Variants in UIMC1 observed in about 807,000 individuals in gnomAD.
UIMC1 encodes the protein BRCA1-A complex subunit RAP80.
Under a neutral mutation model 84.9 loss-of-function variants are expected in UIMC1, and 42 were observed. The ratio of observed to expected loss-of-function variants is 0.49; its 90% CI spans 0.39 to 0.64. UIMC1 has a LOEUF of 0.64. Among genes scored for constraint, UIMC1 ranks in the 30% least tolerant of loss-of-function variants. The pLI, the probability that UIMC1 is intolerant of heterozygous loss-of-function variation, is 0.00. For synonymous variants in UIMC1, 281 were observed against 293.0 expected (o/e 0.96, Z 0.42); for missense variants, 825 against 847.6 (o/e 0.97, Z 0.33).
rs1405584349 is a variant in UIMC1 at position 176,906,062 on chromosome 5, A to T, written c.1913-15T>A. 3.7e-6 allele frequency: 6 copies of T among 1,612,552 alleles called. No individual in the cohort carries two copies. Among genetic ancestry groups the T allele is most frequent in the Non-Finnish European group, 5.1e-6 (6 of 1,179,310 alleles). Reference sequence around the variant, plus strand: ...GATGTCTGCATCTGTGATATAAAAGAAAAAATAATAATGTTGGTAGTAGTG... The same window carrying T: ...GATGTCTGCATCTGTGATATAAAAGTAAAAATAATAATGTTGGTAGTAGTG... On this transcript the variant is annotated splice_polypyrimidine_tract_variant and intron_variant, in intron 13 of 14. Transcript: ENST00000511320.
rs188173021 is a variant in UIMC1, at chr5:176,928,527, G to A, written c.1597+14808C>T. Among the ~76,000 whole-genome samples, 1,389 of 152,270 alleles carry A rather than the reference G, an allele frequency of 9.1e-3. 8 individuals are homozygous for A. Among genetic ancestry groups the A allele is most frequent in the South Asian group, 0.025 (122 of 4,828 alleles). ...ACTCTTCTGTAAATTAAAAGAGCCCGAGACATTAGCAACAAAAGCTTTTTG... is the reference window on the plus strand; with the variant it reads ...ACTCTTCTGTAAATTAAAAGAGCCCAAGACATTAGCAACAAAAGCTTTTTG... On this transcript the variant is annotated intron_variant, in intron 10 of 14. Transcript: ENST00000511320.
chr5:177,000,526 G>A (rs1365003034), intron 1 of UIMC1, among the ~76,000 whole-genome samples: 1 of 117,770 alleles, frequency 8.5e-6, no homozygotes, highest in East Asian at 2.1e-4. Context: ...TTGAGATGGA[G>A]TTTCATTCTT....
chr5:176,911,347 C>T lies in UIMC1; in HGVS notation c.1640G>A (p.Ser547Asn). ...RQKEAKTKSD[S>N]GTAAQTSLDI... ...TAGAGAAGTCTGGGCAGCTGTCCCACTGTCACTCTTGGTCTTGGCCTCTTT... is the reference window on the plus strand; with the variant it reads ...TAGAGAAGTCTGGGCAGCTGTCCCATTGTCACTCTTGGTCTTGGCCTCTTT... Residue 547 changes from serine (S) to asparagine (N), a missense_variant, in exon 11 of 15, where the codon AGT becomes AAT. Physicochemically the swap from Ser to Asn is conservative, Grantham distance 46. Coordinates refer to ENST00000511320, the MANE Select transcript of UIMC1 (RefSeq NM_001199298.2). 6.2e-7 allele frequency: 1 copy of T among 1,601,122 alleles called. No individual in the cohort carries two copies. Among genetic ancestry groups the T allele is most frequent in the Non-Finnish European group, 8.5e-7 (1 of 1,172,740 alleles).
chr5:176,997,581 A>C (rs1395560155), intron 1 of UIMC1, among the ~76,000 whole-genome samples: 1 of 149,410 alleles, frequency 6.7e-6, no homozygotes, highest in African/African-American at 2.5e-5. Context: ...GCTACTGAGG[A>C]GGCTGAGGCA....
intron 1 of UIMC1, among the ~76,000 whole-genome samples, chr5:176,985,858 A>G (rs1004476428): frequency 9.2e-5 from 14 of 152,196 alleles, no homozygotes; most frequent in Admixed American, 2.0e-4. Flanking sequence ...CCTCAACCTG[A>G]TAAAGGACTT....
At chr5:177,017,844 G>A (rs1775704914) in intron 1 of UIMC1, among the ~76,000 whole-genome samples, 1 of 151,382 alleles carries the variant, frequency 6.6e-6, no homozygotes, top group Non-Finnish European at 1.5e-5. Context: ...TAGAGATAGG[G>A]TCTTGCCATG....
At chr5:177,016,209 A>G (rs187937773) in intron 1 of UIMC1, among the ~76,000 whole-genome samples, 1 of 151,780 alleles carries the variant, frequency 6.6e-6, no homozygotes, top group Non-Finnish European at 1.5e-5. Context: ...TACTAAAAAT[A>G]CAAAATTAGC....
At chr5:176,917,477 CAGG>C (rs1761146180) in intron 10 of UIMC1, among the ~76,000 whole-genome samples, 1 of 152,122 alleles carries the variant, frequency 6.6e-6, no homozygotes, top group Non-Finnish European at 1.5e-5. Context: ...GAGGTTAAGG[CAGG>C]AGAACTGCTT....
At chr5:176,993,383 C>T (rs1773156963) in intron 1 of UIMC1, among the ~76,000 whole-genome samples, 1 of 152,038 alleles carries the variant, frequency 6.6e-6, no homozygotes, top group South Asian at 2.1e-4. Context: ...GAGACAAGGT[C>T]TCACTACATT....
At position 176,974,819 on chromosome 5, in the gene UIMC1, A is replaced by T. The variant is rs555749928; in HGVS notation, c.232+577T>A. ...AGAGCACGATGCTCCGTCTCAAAAA[A>T]AAAAATAAAAAGGAATCATAAAAAC... On this transcript the variant is annotated intron_variant, in intron 3 of 14. Transcript: ENST00000511320. Among the ~76,000 whole-genome samples the T allele has an allele frequency of 2.5e-3, 384 of 152,192 alleles. 15 individuals carry two copies. The South Asian group carries it at 0.075, about 30-fold the overall frequency.
chr5:176,953,323 C>T (rs1766133768), intron 8 of UIMC1, among the ~76,000 whole-genome samples: 1 of 152,222 alleles, frequency 6.6e-6, no homozygotes, highest in Admixed American at 6.5e-5. Flanking sequence ...ACTATACCTG[C>T]TGTACCTCTA....
chr5:176,985,312 C>T (rs145271342), intron 1 of UIMC1, among the ~76,000 whole-genome samples: 1,640 of 151,852 alleles, frequency 0.011, 10 homozygotes, highest in South Asian at 0.025. Context: ...AAACATTAGC[C>T]GGGCGTGGTA....
chr5:177,005,551 AG>A (rs1775131647), intron 1 of UIMC1, among the ~76,000 whole-genome samples: 1 of 151,664 alleles, frequency 6.6e-6, no homozygotes, highest in Admixed American at 6.6e-5. Flanking sequence ...TTTAGTATCT[AG>A]TATCACAACA....
intron 9 of UIMC1, among the ~76,000 whole-genome samples, chr5:176,944,971 A>C (rs1764899400): frequency 6.6e-6 from 1 of 152,202 alleles, no homozygotes; most frequent in African/African-American, 2.4e-5. Context: ...GCTATTACAG[A>C]AGGGGAAACT....
At chr5:176,956,219 T>G (rs1208004623) in intron 7 of UIMC1, among the ~76,000 whole-genome samples, 184 bp from the exon 8 acceptor site, 1 of 151,948 alleles carries the variant, frequency 6.6e-6, no homozygotes, top group Non-Finnish European at 1.5e-5. Context: ...ATATGGAAAA[T>G]AAATATGCTT....
chr5:176,968,308 A>G (rs1768629635), intron 6 of UIMC1, among the ~76,000 whole-genome samples: 1 of 151,376 alleles, frequency 6.6e-6, no homozygotes, highest in South Asian at 2.1e-4. Flanking sequence ...GGAGGTGGAG[A>G]TTGCAGTGAG....
At chr5:176,914,924 A>G (rs1227947539) in intron 10 of UIMC1, among the ~76,000 whole-genome samples, 3 of 152,232 alleles carry the variant, frequency 2.0e-5, no homozygotes, top group African/African-American at 7.2e-5. Flanking sequence ...GGACTTCATG[A>G]GAGATTTTAT....
chr5:176,968,994 G>T lies in UIMC1; in HGVS notation c.761C>A (p.Ser254Tyr). The T allele has an allele frequency of 6.2e-7, 1 of 1,614,214 alleles. No individual in the cohort carries two copies. ...LKAVQGSGDT[S>Y]RHCLPTLADA... is the part of the protein sequence containing the mutation. ...TGCTAGGGTAGGTAGACAGTGCCTA[G>T]ATGTGTCCCCGCTACCCTGGACAGC... Residue 254 changes from serine (S) to tyrosine (Y), a missense_variant, in exon 6 of 15, where the codon TCT (serine) becomes TAT (tyrosine). Transcript: ENST00000511320.
intron 1 of UIMC1, among the ~76,000 whole-genome samples, chr5:176,993,041 C>T (rs1321853697): frequency 6.6e-6 from 1 of 151,934 alleles, no homozygotes; most frequent in Non-Finnish European, 1.5e-5. Flanking sequence ...CAAAAATCAG[C>T]TGGGCATGGT....
Sources: allele counts gnomAD v4.1 joint callset (sites outside exome capture counted in the v4.1 genomes callset), GRCh38; gene constraint gnomAD v4.1.1; transcripts MANE v1.5; gene names NCBI Gene and HGNC (gene_info 2026-07-23, HGNC 2026-07-21).